The following BMP1 variants were observed in gnomAD, a reference collection of about 807,000 sequenced individuals.
BMP1 encodes the protein mammalian tolloid protein.
A neutral mutation model predicts 116.8 loss-of-function variants in BMP1; 63 were observed. That is an observed-to-expected ratio of 0.54 (90% CI 0.44 to 0.67). The LOEUF is 0.67. BMP1 is among the 30% of genes least tolerant of loss of function. The pLI, the probability that BMP1 is intolerant of heterozygous loss-of-function variation, is 0.00. For missense variants in BMP1, 1,183 were observed against 1,358.9 expected, an observed-to-expected ratio of 0.87 and a Z score of 2.04; for synonymous variants, 536 against 533.4, an observed-to-expected ratio of 1.00 and a Z score of -0.07.
Position 22,194,181 on chromosome 8 carries a change from A to T in BMP1, c.1297+7A>T. On this transcript the variant is annotated splice_region_variant and intron_variant, in intron 10 of 19. Transcript: ENST00000306385. The surrounding 1 kb of genome is among the most constrained non-coding windows in gnomAD (Gnocchi z 4.5). The stretch of plus-strand genomic sequence containing the variant: ...TTCTTTGCAGTCTACGAAGGTACTG[A>T]GGAAGGCGGCGGGCGGGAGGAGTCA... 6.2e-7 allele frequency: 1 copy of T among 1,613,108 alleles called. No homozygotes were observed. Among genetic ancestry groups the T allele is most frequent in the Non-Finnish European group, 8.5e-7 (1 of 1,179,040 alleles).
chr8:22,206,586 G>T (rs1829360792), intron 16 of BMP1, among the ~76,000 whole-genome samples: 1 of 152,116 alleles, frequency 6.6e-6, no homozygotes. Flanking sequence ...ACAAAGGTCT[G>T]GGGGTTGTCC....
At chr8:22,195,626 C>T in intron 13 of BMP1, 39 bp downstream of exon 13, 7 of 1,579,336 alleles carry the variant, frequency 4.4e-6, no homozygotes, top group Non-Finnish European at 6.0e-6. Context: ...TGTTCTTTCC[C>T]TGGCACCAGC....
intron 8 of BMP1, among the ~76,000 whole-genome samples, chr8:22,185,218 G>T (rs146396501): frequency 1.3e-5 from 2 of 152,082 alleles, no homozygotes; most frequent in Admixed American, 6.6e-5. Flanking sequence ...TTGGGAGGTC[G>T]AGGCGGGTGG....
intron 8 of BMP1, among the ~76,000 whole-genome samples, chr8:22,187,480 G>A (rs1329892176): frequency 2.7e-5 from 4 of 146,838 alleles, no homozygotes; most frequent in East Asian, 2.0e-4. Flanking sequence ...ACAGGAGCCC[G>A]CCACCACGCC....
intron 8 of BMP1, among the ~76,000 whole-genome samples, chr8:22,184,829 C>G (rs185287630): frequency 3.9e-5 from 6 of 152,340 alleles, no homozygotes; most frequent in Non-Finnish European, 7.3e-5. Context: ...CTTTCTGACT[C>G]CAAAGTCTAT....
intron 6 of BMP1, among the ~76,000 whole-genome samples, chr8:22,178,879 C>G (rs896459915): frequency 6.6e-6 from 1 of 152,190 alleles, no homozygotes; most frequent in African/African-American, 2.4e-5. Context: ...GCCCTGCCCC[C>G]TCTTCTCAGT....
chr8:22,195,206 A>G (rs1449973641), intron 12 of BMP1, among the ~76,000 whole-genome samples: 1 of 152,202 alleles, frequency 6.6e-6, no homozygotes, highest in East Asian at 1.9e-4. Flanking sequence ...TCTCATCTGT[A>G]AAATGGGCAC....
Position 22,173,613 on chromosome 8 carries a change from G to T in BMP1, c.160G>T (p.Gly54Trp). Reference protein sequence around the residue: ...KDPCKAAAFLGDIALDEEDLR... With the variant: ...KDPCKAAAFLWDIALDEEDLR... ...TCTTTTCTCTTTAGCTGCCTTTCTT[G>T]GGGACATTGCCCTGGACGAAGAGGA... Residue 54 changes from glycine to tryptophan, a missense_variant, in exon 2 of 20, where the codon GGG (glycine) becomes TGG (tryptophan). By Grantham distance (184) the Gly-to-Trp change is radical. Coordinates refer to ENST00000306385, the MANE Select transcript of BMP1 (RefSeq NM_006129.5). 1 of 1,610,520 alleles carries T rather than the reference G, an allele frequency of 6.2e-7. No individual in the cohort carries two copies. Among genetic ancestry groups the T allele is most frequent in the Non-Finnish European group, 8.5e-7 (1 of 1,178,396 alleles).
chr8:22,186,791 G>A (rs1828784026), intron 8 of BMP1, among the ~76,000 whole-genome samples: 1 of 151,916 alleles, frequency 6.6e-6, no homozygotes, highest in Admixed American at 6.6e-5. Flanking sequence ...AATGAGCCTG[G>A]CAATAGTACC....
chr8:22,184,462 C>T (rs2131862241), intron 8 of BMP1, among the ~76,000 whole-genome samples: 1 of 152,312 alleles, frequency 6.6e-6, no homozygotes, highest in South Asian at 2.1e-4. Context: ...ATAAAAATTC[C>T]AGATTAATCA....
Position 22,179,652 on chromosome 8 carries a change from C to G in BMP1, c.837-53C>G, listed in dbSNP as rs114203819. 2.3e-3 allele frequency: 3,707 copies of G among 1,609,836 alleles called. 73 individuals are homozygous for G. The African/African-American group carries it at 0.045, about 20-fold the overall frequency. The stretch of plus-strand genomic sequence containing the variant: ...GGTACAGATGGGCATGCCACCCACT[C>G]CCTGCCCACTGTCCATGAGACGCTC... On this transcript the variant is annotated intron_variant, in intron 6 of 19. Transcript: ENST00000306385. The surrounding 1 kb of genome is among the most constrained non-coding windows in gnomAD (Gnocchi z 4.6).
chr8:22,180,646 T>TCCTGGCATTCACCGCCTTC (rs1828593795), intron 8 of BMP1, among the ~76,000 whole-genome samples, 163 bp downstream of exon 8: 1 of 152,226 alleles, frequency 6.6e-6, no homozygotes, highest in Non-Finnish European at 1.5e-5. Flanking sequence ...AGGAAGGGGC[T>TCCTGGCATTCACCGCCTTC]CCTGGCATTC....
At position 22,165,503 on chromosome 8, in the gene BMP1, C is replaced by A; in HGVS notation, c.98C>A (p.Ala33Glu). The A allele has an allele frequency of 6.3e-7, 1 of 1,593,646 alleles. No homozygotes were observed. The highest frequency in any genetic ancestry group is 8.5e-7 in the Non-Finnish European group (1 of 1,172,198). ...LDLADYTYDL[A>E]EEDDSEPLNY... ...TTGGCCGACTACACCTATGACCTGG[C>A]GGAGGAGGACGACTCGGAGCCCCTC... Residue 33 changes from alanine to glutamate, a missense_variant, in exon 1 of 20, where the codon GCG becomes GAG. Coordinates refer to ENST00000306385, the MANE Select transcript of BMP1 (RefSeq NM_006129.5).
chr8:22,187,610 A>G (rs1379564936), intron 8 of BMP1, among the ~76,000 whole-genome samples: 1 of 149,978 alleles, frequency 6.7e-6, no homozygotes, highest in Admixed American at 6.7e-5. Flanking sequence ...CAGCCTCCCA[A>G]AGTGCTGGGA....
chr8:22,170,682 C>G (rs1050606204), intron 1 of BMP1: 12 of 152,118 alleles, frequency 7.9e-5, no homozygotes, highest in African/African-American at 2.7e-4. Context: ...TGTACGGGCA[C>G]AGTAGCTTAT....
intron 16 of BMP1, among the ~76,000 whole-genome samples, chr8:22,203,873 T>C (rs1344419088): frequency 6.6e-6 from 1 of 152,150 alleles, no homozygotes; most frequent in Non-Finnish European, 1.5e-5. Context: ...TGTACTCCCC[T>C]GTGTAAAAAG....
Position 22,194,546 on chromosome 8 carries a change from G to C in BMP1, c.1399G>C (p.Val467Leu). The C allele has an allele frequency of 6.2e-7, 1 of 1,614,208 alleles. No individual in the cohort carries two copies. Among genetic ancestry groups the C allele is most frequent in the South Asian group, 1.1e-5 (1 of 91,080 alleles). The change falls in exon 11 of 20, where the codon GTG (valine) becomes CTG (leucine). Residue 467 changes from valine (V) to leucine (L), a missense_variant. Physicochemically the swap from Val to Leu is conservative, Grantham distance 32. Coordinates refer to ENST00000306385, the MANE Select transcript of BMP1 (RefSeq NM_006129.5). This position sits in a 1 kb window ranked among gnomAD's most constrained non-coding sequence, Gnocchi z 4.5. ...CAAAGTCTGCATCTGGCGGATCCAGGTGTCTGAGGGCTTCCACGTGGGCCT... is the reference window on the plus strand; with the variant it reads ...CAAAGTCTGCATCTGGCGGATCCAGCTGTCTGAGGGCTTCCACGTGGGCCT... The part of the protein sequence containing the change: ...PSKVCIWRIQ[V>L]SEGFHVGLTF...
intron 18 of BMP1, among the ~76,000 whole-genome samples, chr8:22,208,397 C>T (rs531813349): frequency 2.6e-5 from 4 of 152,224 alleles, no homozygotes; most frequent in African/African-American, 7.2e-5. Flanking sequence ...TCCTGCCCCC[C>T]ACCCCATACT....
chr8:22,176,999 A>G lies in BMP1; in HGVS notation c.590A>G (p.Gln197Arg). The change falls in exon 5 of 20, where the codon CAG (glutamine) becomes CGG (arginine). Residue 197 changes from glutamine to arginine, a missense_variant. By Grantham distance (43) the Gln-to-Arg change is conservative. This residue lies in a region of BMP1 where 956 missense variants were observed against 1,135.2 expected (regional missense o/e 0.84). Transcript: ENST00000306385. The part of the protein sequence containing the change: ...SYVGRRGGGP[Q>R]AISIGKNCDK... ...GTGGGTCGCCGCGGCGGGGGCCCCCAGGCCATCTCCATCGGCAAGAACTGT... is the reference window on the plus strand; with the variant it reads ...GTGGGTCGCCGCGGCGGGGGCCCCCGGGCCATCTCCATCGGCAAGAACTGT... 6.2e-7 allele frequency: 1 copy of G among 1,612,236 alleles called. No homozygotes were observed. The highest frequency in any genetic ancestry group is 1.3e-5 in the African/African-American group (1 of 74,964).
Sources: allele counts gnomAD v4.1 joint callset (sites outside exome capture counted in the v4.1 genomes callset), GRCh38; gene constraint gnomAD v4.1.1; regional missense constraint gnomAD v4.1.1; non-coding constraint Gnocchi (gnomAD v3.1); transcripts MANE v1.5; gene names NCBI Gene and HGNC (gene_info 2026-07-23, HGNC 2026-07-21).